MRC1: variants seen among roughly 807,000 people sequenced by gnomAD.
The protein encoded by MRC1 is macrophage mannose receptor 1.
In MRC1, 62 loss-of-function variants were observed where a neutral mutation model predicts 102.9. The observed-to-expected ratio is 0.60, with a 90% CI of 0.49 to 0.74. The LOEUF is 0.74. Among genes scored for constraint, MRC1 ranks in the 30% least tolerant of loss-of-function variants. MRC1 has a pLI of 0.00. For synonymous variants in MRC1, 457 were observed against 298.4 expected (o/e 1.53, Z -5.48); for missense variants, 1,237 against 862.8 (o/e 1.43, Z -5.43).
chr10:17,827,372 CAAAAAAAAAAAAAAAAAAAAAAAA>C lies in MRC1; in HGVS notation c.464-155_464-132del, dbSNP rs782616938. On this transcript the variant is annotated intron_variant, in intron 2 of 29. Transcript: ENST00000569591. ...TAGAAGGAGAAGGAAAAAAAATACC[CAAAAAAAAAAAAAAAAAAAAAAAA>C]AAAAAAAAAAAAAAGAAATCCCTCT... is the stretch of plus-strand genomic sequence containing the variant. 7.8e-5 allele frequency among the ~76,000 whole-genome samples: 5 copies of C among 64,052 alleles called. No homozygotes were observed. The Admixed American group carries it at 8.1e-4, about 10-fold the overall frequency. 42.0% of individuals were successfully genotyped at this position (64,052 alleles called of 152,430 possible).
chr10:17,861,839 G>A (rs1202587369), intron 10 of MRC1, among the ~76,000 whole-genome samples: 2 of 152,026 alleles, frequency 1.3e-5, no homozygotes, highest in African/African-American at 2.4e-5. Context: ...TCAAAATCAC[G>A]TTATATCTTT....
At chr10:17,844,106 G>T (rs1215607974) in intron 5 of MRC1, among the ~76,000 whole-genome samples, 4 of 152,226 alleles carry the variant, frequency 2.6e-5, no homozygotes, top group African/African-American at 9.6e-5. Context: ...ATAAGGCATA[G>T]CTGCTGAAAG....
At chr10:17,895,138 C>T (rs1833737335) in intron 23 of MRC1, among the ~76,000 whole-genome samples, 1 of 152,012 alleles carries the variant, frequency 6.6e-6, no homozygotes, top group African/African-American at 2.4e-5. Flanking sequence ...TCACTTGTGC[C>T]AGAGAGGCTG....
At chr10:17,878,232 A>T (rs1292841575) in intron 18 of MRC1, among the ~76,000 whole-genome samples, 2 of 152,218 alleles carry the variant, frequency 1.3e-5, no homozygotes, top group Admixed American at 1.3e-4. Context: ...TCTGTCAGTA[A>T]ATCATCTACT....
At chr10:17,860,720 C>G (rs1227763762) in intron 9 of MRC1, among the ~76,000 whole-genome samples, 5 of 152,220 alleles carry the variant, frequency 3.3e-5, no homozygotes, top group African/African-American at 9.6e-5. Context: ...ACTAGGTTTG[C>G]TCTTCCCCAA....
At chr10:17,821,625 C>A (rs1478914288) in intron 1 of MRC1, among the ~76,000 whole-genome samples, 1 of 151,978 alleles carries the variant, frequency 6.6e-6, no homozygotes, top group Non-Finnish European at 1.5e-5. Context: ...AGAAAATAAT[C>A]TTTTGAGGCA....
At chr10:17,838,169 C>T (rs999337486) in intron 4 of MRC1, among the ~76,000 whole-genome samples, 5 of 152,172 alleles carry the variant, frequency 3.3e-5, no homozygotes, top group African/African-American at 7.2e-5. Flanking sequence ...GCCTGTGTCT[C>T]ACGCACAGAA....
At chr10:17,840,521 TA>T (rs1335148483) in intron 4 of MRC1, among the ~76,000 whole-genome samples, 171 bp from the exon 5 acceptor site, 1 of 152,212 alleles carries the variant, frequency 6.6e-6, no homozygotes, top group Non-Finnish European at 1.5e-5. Flanking sequence ...GTGAAGGTAA[TA>T]ATTTTACTTG....
At chr10:17,809,972 G>A (rs1242896557) in intron 1 of MRC1, among the ~76,000 whole-genome samples, 1 of 152,154 alleles carries the variant, frequency 6.6e-6, no homozygotes, top group East Asian at 1.9e-4. Context: ...TTAGGTCCGA[G>A]GGTATCATCG....
In MRC1 at chr10:17,875,195, A is replaced by G; in HGVS notation, c.2492A>G (p.Asn831Ser). 1.3e-6 allele frequency: 1 copy of G among 780,870 alleles called. No homozygotes were observed. The highest frequency in any genetic ancestry group is 2.4e-6 in the Non-Finnish European group (1 of 417,942). 48.4% of individuals were successfully genotyped at this position (780,870 alleles called of 1,614,324 possible). The change falls in exon 17 of 30, where the codon AAT becomes AGT. Residue 831 changes from asparagine (N) to serine (S), a missense_variant. By Grantham distance (46) the Asn-to-Ser change is conservative. Coordinates refer to ENST00000569591, the MANE Select transcript of MRC1 (RefSeq NM_002438.4). Reference sequence around the variant, plus strand: ...AATGCGCGAGCGTTTTGCAAGAGGAATTTTGGTGATCTTGTTTCTATTCAA... The same window carrying G: ...AATGCGCGAGCGTTTTGCAAGAGGAGTTTTGGTGATCTTGTTTCTATTCAA... ...MDNARAFCKR[N>S]FGDLVSIQSE...
intron 18 of MRC1, 131 bp downstream of exon 18, chr10:17,878,098 C>A: frequency 1.6e-6 from 1 of 641,364 alleles, no homozygotes; most frequent in South Asian, 1.9e-5. Flanking sequence ...GAAAAAGCAA[C>A]TTGAAAAAAG....
At chr10:17,845,267 T>C (rs1260386123) in intron 5 of MRC1, 22 bp from the exon 6 acceptor site, 7 of 780,730 alleles carry the variant, frequency 9.0e-6, no homozygotes, top group Non-Finnish European at 1.7e-5. Flanking sequence ...TAGTCCACTT[T>C]AACTTTTCCT....
intron 2 of MRC1, among the ~76,000 whole-genome samples, chr10:17,825,286 ATT>A (rs2130595350): frequency 6.6e-6 from 1 of 152,184 alleles, no homozygotes; most frequent in East Asian, 1.9e-4. Context: ...TGGAACCAGA[ATT>A]GTAGACTTAG....
At chr10:17,862,894 TCAA>T (rs1833205106) in intron 10 of MRC1, 1 of 152,256 alleles carries the variant, frequency 6.6e-6, no homozygotes, top group African/African-American at 2.4e-5. Flanking sequence ...CAGTGCCTTG[TCAA>T]CTGAATTTTA....
intron 8 of MRC1, among the ~76,000 whole-genome samples, chr10:17,855,574 A>AT (rs1833076430): frequency 6.8e-6 from 1 of 146,874 alleles, no homozygotes; most frequent in Non-Finnish European, 1.5e-5. Flanking sequence ...TCCGTCTCAA[A>AT]AAAAAAAAAA....
intron 2 of MRC1, among the ~76,000 whole-genome samples, chr10:17,826,833 T>C (rs1233487647): frequency 3.3e-5 from 5 of 152,196 alleles, no homozygotes; most frequent in Non-Finnish European, 7.3e-5. Context: ...GTAGATGGTA[T>C]ATAACAGTTT....
intron 12 of MRC1, among the ~76,000 whole-genome samples, chr10:17,868,007 G>C (rs911284190): frequency 1.3e-5 from 2 of 151,990 alleles, no homozygotes; most frequent in Non-Finnish European, 2.9e-5. Context: ...TCATAGTTTA[G>C]GCCATTCATT....
At chr10:17,858,497 T>C (rs1384971808) in intron 9 of MRC1, among the ~76,000 whole-genome samples, 2 of 146,282 alleles carry the variant, frequency 1.4e-5, no homozygotes, top group African/African-American at 5.5e-5. Context: ...GGTGTGATTC[T>C]TTTTTTTTGA....
At chr10:17,859,465 C>T (rs1289104979) in intron 9 of MRC1, among the ~76,000 whole-genome samples, 1 of 152,006 alleles carries the variant, frequency 6.6e-6, no homozygotes, top group East Asian at 1.9e-4. Flanking sequence ...CTACAGGTGC[C>T]TGCCGTCACG....
Sources: allele counts gnomAD v4.1 joint callset (sites outside exome capture counted in the v4.1 genomes callset), GRCh38; gene constraint gnomAD v4.1.1; transcripts MANE v1.5; gene names NCBI Gene and HGNC (gene_info 2026-07-23, HGNC 2026-07-21).